DLGAP2: variants seen among roughly 807,000 people sequenced by gnomAD.
DLGAP2 encodes disks large-associated protein 2.
Under a neutral mutation model 100.3 loss-of-function variants are expected in DLGAP2, and 26 were observed. The ratio of observed to expected loss-of-function variants is 0.26; its 90% confidence interval spans 0.19 to 0.36. The LOEUF is 0.36. Among genes scored for constraint, DLGAP2 ranks in the 10% least tolerant of loss-of-function variants. The pLI, the probability that DLGAP2 is intolerant of heterozygous loss-of-function variation, is 1.00. For missense variants in DLGAP2, 1,858 were observed against 1,453.2 expected (o/e 1.28, Z -4.53); for synonymous variants, 886 against 630.1 (o/e 1.41, Z -6.08).
chr8:1,066,918 C>T (rs940056063), intron 2 of DLGAP2, among the ~76,000 whole-genome samples: 3 of 152,228 alleles, frequency 2.0e-5, no homozygotes, highest in African/African-American at 7.2e-5. Context: ...CCCATTGCCT[C>T]GGACCTCAGG....
intron 2 of DLGAP2, among the ~76,000 whole-genome samples, chr8:1,130,955 C>G (rs1000081279): frequency 6.6e-6 from 1 of 152,138 alleles, no homozygotes; most frequent in Non-Finnish European, 1.5e-5. Flanking sequence ...TCTGAGGGGC[C>G]GGTCCTGGCT....
chr8:1,599,737 T>C (rs1408067371), intron 6 of DLGAP2, among the ~76,000 whole-genome samples: 1 of 152,204 alleles, frequency 6.6e-6, no homozygotes. Context: ...TAAATATTCC[T>C]CCATCCCTTT....
chr8:1,078,725 T>C (rs1803704520), intron 2 of DLGAP2, among the ~76,000 whole-genome samples: 1 of 152,250 alleles, frequency 6.6e-6, no homozygotes, highest in Non-Finnish European at 1.5e-5. Flanking sequence ...CCTTGTCTTT[T>C]TGTGGCATTA....
At chr8:1,055,433 C>T (rs1026385259) in intron 2 of DLGAP2, among the ~76,000 whole-genome samples, 6 of 152,162 alleles carry the variant, frequency 3.9e-5, no homozygotes, top group African/African-American at 1.4e-4. Context: ...ATCTAGGTTC[C>T]TTACCTATGA....
chr8:1,339,259 G>T (rs189301764), intron 3 of DLGAP2, among the ~76,000 whole-genome samples: 1,667 of 150,856 alleles, frequency 0.011, 4 homozygotes, highest in Middle Eastern at 0.046. Context: ...CCTCAGCGAG[G>T]CGTCAGGACC....
chr8:1,148,932 T>C (rs1796651190), intron 2 of DLGAP2, among the ~76,000 whole-genome samples: 1 of 152,228 alleles, frequency 6.6e-6, no homozygotes, highest in Non-Finnish European at 1.5e-5. Flanking sequence ...GTATCAATAA[T>C]TCAGTATTAA....
At chr8:1,043,058 T>G (rs1802406627) in intron 2 of DLGAP2, among the ~76,000 whole-genome samples, 1 of 141,254 alleles carries the variant, frequency 7.1e-6, no homozygotes, top group Non-Finnish European at 1.5e-5. Flanking sequence ...GGCTGGCAGG[T>G]GGTGGATGTG....
chr8:1,108,581 C>G (rs553170090), intron 2 of DLGAP2, among the ~76,000 whole-genome samples: 1 of 132,316 alleles, frequency 7.6e-6, no homozygotes, highest in Admixed American at 7.8e-5. Context: ...GAGGTGTGCA[C>G]GGGTCTGTGA....
At chr8:1,509,790 C>G (rs1209863469) in intron 4 of DLGAP2, among the ~76,000 whole-genome samples, 1 of 152,162 alleles carries the variant, frequency 6.6e-6, no homozygotes, top group Admixed American at 6.5e-5. Context: ...CAAGGTGTGG[C>G]TCACAGCAAG....
At chr8:1,690,129 G>T (rs1351447092) in intron 12 of DLGAP2, among the ~76,000 whole-genome samples, 1 of 152,168 alleles carries the variant, frequency 6.6e-6, no homozygotes. Context: ...GCCAAGGCGG[G>T]CTGATCACCG....
At chr8:1,017,509 CA>C (rs1801491108) in intron 2 of DLGAP2, among the ~76,000 whole-genome samples, 1 of 105,366 alleles carries the variant, frequency 9.5e-6, no homozygotes, top group Non-Finnish European at 1.9e-5. Flanking sequence ...TGTGTGTGAC[CA>C]GGACAGACGC....
At chr8:1,667,080 G>A (rs916088968) in intron 8 of DLGAP2, among the ~76,000 whole-genome samples, 1 of 152,178 alleles carries the variant, frequency 6.6e-6, no homozygotes, top group South Asian at 2.1e-4. Flanking sequence ...TGGCAGGGGT[G>A]GGGTGGTGGT....
intron 1 of DLGAP2, among the ~76,000 whole-genome samples, chr8:741,756 G>A (rs934268613): frequency 6.6e-5 from 10 of 152,322 alleles, no homozygotes; most frequent in Non-Finnish European, 8.8e-5. Context: ...TTGGCTTGGC[G>A]GACCCTACTT....
chr8:970,554 C>T (rs1446168154), intron 2 of DLGAP2, among the ~76,000 whole-genome samples: 1 of 152,140 alleles, frequency 6.6e-6, no homozygotes, highest in Non-Finnish European at 1.5e-5. Flanking sequence ...CTAATGTAAA[C>T]ATGAGGGATT....
chr8:1,085,094 T>G (rs961815131), intron 2 of DLGAP2, among the ~76,000 whole-genome samples: 1 of 152,256 alleles, frequency 6.6e-6, no homozygotes, highest in Non-Finnish European at 1.5e-5. Context: ...TGATATTGAC[T>G]GGCATCTCCC....
At position 1,549,576 on chromosome 8, in the gene DLGAP2, A is replaced by G; in HGVS notation, c.1123A>G (p.Thr375Ala). The G allele has an allele frequency of 6.2e-7, 1 of 1,612,584 alleles. No homozygotes were observed. Among genetic ancestry groups the G allele is most frequent in the South Asian group, 1.1e-5 (1 of 91,024 alleles). ...YLKRSSWSTL[T>A]VSQAKEAYRK... The stretch of plus-strand genomic sequence containing the variant: ...GAAGCGCAGCTCCTGGTCTACGCTG[A>G]CGGTCAGCCAGGCCAAGGAGGCCTA... The change falls in exon 5 of 15, where the codon ACG becomes GCG. Residue 375 changes from threonine to alanine, a missense_variant. Physicochemically the swap from Thr to Ala is moderately conservative, Grantham distance 58. Coordinates refer to ENST00000637795, the MANE Select transcript of DLGAP2 (RefSeq NM_001346810.2).
chr8:813,588 T>A (rs572937709), intron 1 of DLGAP2, among the ~76,000 whole-genome samples: 1 of 152,152 alleles, frequency 6.6e-6, no homozygotes, highest in Admixed American at 6.5e-5. Context: ...TAAACTGATA[T>A]GGAAATTATA....
At chr8:1,334,804 G>C (rs1198649544) in intron 3 of DLGAP2, among the ~76,000 whole-genome samples, 1 of 151,718 alleles carries the variant, frequency 6.6e-6, no homozygotes, top group Non-Finnish European at 1.5e-5. Flanking sequence ...TACATGTGTT[G>C]ACACGCTGTA....
intron 6 of DLGAP2, among the ~76,000 whole-genome samples, chr8:1,599,203 C>G (rs936411956): frequency 5.9e-5 from 9 of 152,168 alleles, no homozygotes; most frequent in Non-Finnish European, 1.2e-4. Context: ...ATCCTGAGTT[C>G]TAATTTGATT....
Sources: allele counts gnomAD v4.1 joint callset (sites outside exome capture counted in the v4.1 genomes callset), GRCh38; gene constraint gnomAD v4.1.1; transcripts MANE v1.5; gene names NCBI Gene and HGNC (gene_info 2026-07-23, HGNC 2026-07-21).